The following EXO1 variants were observed in gnomAD, a reference collection of about 807,000 sequenced individuals.
The protein encoded by EXO1 is exonuclease 1.
In EXO1, 69 loss-of-function variants were observed where a neutral mutation model predicts 84.5. That is an observed-to-expected ratio of 0.82 (90% CI 0.67 to 1.00). The LOEUF is 1.00. Among genes scored for constraint, EXO1 ranks in the 50% least tolerant of loss-of-function variants. The pLI, the probability that EXO1 is intolerant of heterozygous loss-of-function variation, is 0.00. For missense variants in EXO1, 1,045 were observed against 1,000.7 expected (o/e 1.04, Z -0.60); for synonymous variants, 373 against 366.1 (o/e 1.02, Z -0.21).
At chr1:241,866,634 A>G (rs570015488) in intron 10 of EXO1, among the ~76,000 whole-genome samples, 196 bp from the exon 11 acceptor site, 1 of 147,636 alleles carries the variant, frequency 6.8e-6, no homozygotes, top group East Asian at 2.0e-4. Flanking sequence ...AAACAGGCCT[A>G]GGAATATAAG....
chr1:241,873,807 A>C (rs1233631781), intron 12 of EXO1, among the ~76,000 whole-genome samples: 1 of 152,126 alleles, frequency 6.6e-6, no homozygotes, highest in Non-Finnish European at 1.5e-5. Flanking sequence ...AAAGGGTAAG[A>C]AGGAAGGGAT....
intron 11 of EXO1, among the ~76,000 whole-genome samples, chr1:241,869,873 G>A (rs1661990122): frequency 6.6e-6 from 1 of 151,480 alleles, no homozygotes; most frequent in East Asian, 2.0e-4. Context: ...GAGGGCAGTG[G>A]CGTGTTCTTG....
At chr1:241,849,411 TA>T (rs754765273) in intron 3 of EXO1, among the ~76,000 whole-genome samples, 195 bp downstream of exon 3, 5 of 152,078 alleles carry the variant, frequency 3.3e-5, no homozygotes, top group African/African-American at 7.2e-5. Context: ...AGAAAGGGCT[TA>T]GGGGGCTGCA....
intron 9 of EXO1, 112 bp from the exon 10 acceptor site, chr1:241,861,294 A>C (rs994408043): frequency 1.4e-6 from 1 of 700,834 alleles, no homozygotes; most frequent in Non-Finnish European, 2.6e-6. Context: ...GACTCCATTT[A>C]AGTCATAAAC....
chr1:241,869,951 A>G (rs902706413), intron 11 of EXO1, among the ~76,000 whole-genome samples: 4 of 152,014 alleles, frequency 2.6e-5, no homozygotes, highest in Admixed American at 2.6e-4. Context: ...TAGCTGGGAT[A>G]CAGGCGTCCA....
In EXO1 at chr1:241,853,439, G is replaced by A. The variant is rs769489836; in HGVS notation, c.363G>A (p.Arg121=). 1 of 1,613,992 alleles carries A rather than the reference G, an allele frequency of 6.2e-7. No homozygotes were observed. The highest frequency in any genetic ancestry group is 8.5e-7 in the Non-Finnish European group (1 of 1,179,970). Residue 121 remains arginine, a synonymous_variant, in exon 6 of 16, where the codon CGG becomes CGA. Transcript: ENST00000366548. The stretch of plus-strand genomic sequence containing the variant: ...CGGAAGCTCGAGAGTGTTTCACCCG[G>A]TCTATCAATATCACACATGCCATGG... The part of the protein sequence containing the change: ...KVSEARECFT[R]SINITHAMAH...
Position 241,878,732 on chromosome 1 carries a change from A to T in EXO1, c.1515-17A>T, listed in dbSNP as rs1421037979. 6.6e-7 allele frequency: 1 copy of T among 1,508,794 alleles called. No homozygotes were observed. Among genetic ancestry groups the T allele is most frequent in the Non-Finnish European group, 9.2e-7 (1 of 1,091,528 alleles). 93.5% of individuals were successfully genotyped at this position (1,508,794 alleles called of 1,614,324 possible). A position where few individuals can be genotyped will look rare whatever the true frequency, so the allele number is the denominator to read the frequency against. On this transcript the variant is annotated splice_polypyrimidine_tract_variant and intron_variant, in intron 12 of 15. Coordinates refer to ENST00000366548, the MANE Select transcript of EXO1 (RefSeq NM_130398.4). ...ATACTCATACTTACTTATTGTTTCTATTGCTTTTTTTATTAGGTTTTTTTG... is the reference window on the plus strand; with the variant it reads ...ATACTCATACTTACTTATTGTTTCTTTTGCTTTTTTTATTAGGTTTTTTTG...
intron 8 of EXO1, among the ~76,000 whole-genome samples, chr1:241,860,284 CTG>C (rs1473822318): frequency 1.2e-5 from 1 of 84,620 alleles, no homozygotes; most frequent in Non-Finnish European, 2.1e-5. Context: ...TACTATATAA[CTG>C]TATTTTTTTA....
intron 11 of EXO1, 126 bp from the exon 12 acceptor site, chr1:241,871,906 G>A (rs535236316): frequency 1.6e-6 from 1 of 640,302 alleles, no homozygotes; most frequent in Non-Finnish European, 2.6e-6. Flanking sequence ...CTTTTCTGAG[G>A]CATAGTTTTT....
At position 241,872,251 on chromosome 1, in the gene EXO1, C is replaced by T; in HGVS notation, c.1487C>T (p.Ala496Val). 1.9e-6 allele frequency: 3 copies of T among 1,613,982 alleles called. No individual in the cohort carries two copies. The highest frequency in any genetic ancestry group is 2.5e-6 in the Non-Finnish European group (3 of 1,179,938). ...FLQRKNEESG[A>V]VVVPGTRSRF... ...CAAAGGAAAAATGAAGAAAGTGGTG[C>T]AGTTGTGGTTCCAGGGACCAGAAGC... The change falls in exon 12 of 16, where the codon GCA (alanine) becomes GTA (valine). Residue 496 changes from alanine to valine, a missense_variant. Coordinates refer to ENST00000366548, the MANE Select transcript of EXO1 (RefSeq NM_130398.4).
chr1:241,880,870 T>C (rs1363395131), intron 13 of EXO1, among the ~76,000 whole-genome samples: 1 of 152,166 alleles, frequency 6.6e-6, no homozygotes, highest in Non-Finnish European at 1.5e-5. Context: ...ATATTTGAGG[T>C]TGAAGTCTTC....
Position 241,866,859 on chromosome 1 carries a change from T to C in EXO1, c.1071T>C (p.Asp357=). The C allele has an allele frequency of 6.2e-7, 1 of 1,613,944 alleles. No individual in the cohort carries two copies. Among genetic ancestry groups the C allele is most frequent in the East Asian group, 2.2e-5 (1 of 44,880 alleles). ...MPAHSRSHSW[D]DKTCQKSANV... ...CCCATTCAAGAAGTCATAGTTGGGA[T>C]GACAAAACATGTCAAAAGTCAGCTA... Residue 357 remains aspartate (D), a synonymous_variant, in exon 11 of 16, where the codon GAT becomes GAC. Transcript: ENST00000366548.
rs4149909 is a variant in EXO1, at chr1:241,860,596, A to T, written c.836A>T (p.Asn279Ile). The T allele has an allele frequency of 6.2e-7, 1 of 1,613,958 alleles. No individual in the cohort carries two copies. Among genetic ancestry groups the T allele is most frequent in the South Asian group, 1.1e-5 (1 of 91,076 alleles). The change falls in exon 9 of 16, where the codon AAC becomes ATC. Residue 279 changes from asparagine (N) to isoleucine (I), a missense_variant. Asn to Ile is a moderately radical substitution (Grantham distance 149). Transcript: ENST00000366548. ...TACATCAACGGGTTTATTCGGGCCA[A>T]CAATACCTTCCTCTATCAGCTAGTT... is the stretch of plus-strand genomic sequence containing the variant. ...EDYINGFIRA[N>I]NTFLYQLVFD...
At position 241,858,551 on chromosome 1, in the gene EXO1, C is replaced by T; in HGVS notation, c.589C>T (p.Gln197Ter). The change falls in exon 8 of 16, where the codon CAA becomes TAA. Residue 197 changes from glutamine to a stop codon, truncating the protein, a stop_gained. Transcript: ENST00000366548. LOFTEE classifies it high-confidence loss of function. ...GTTTGGAAATGGACTTGAAATTGATCAAGCTCGGCTAGGAATGTGCAGACA... is the reference window on the plus strand; with the variant it reads ...GTTTGGAAATGGACTTGAAATTGATTAAGCTCGGCTAGGAATGTGCAGACA... ...DQFGNGLEID[Q>*]ARLGMCRQLG... 6.2e-7 allele frequency: 1 copy of T among 1,614,088 alleles called. No individual in the cohort carries two copies. The highest frequency in any genetic ancestry group is 8.5e-7 in the Non-Finnish European group (1 of 1,179,958).
intron 10 of EXO1, 46 bp downstream of exon 10, chr1:241,861,548 C>A (rs370613345): frequency 1.9e-5 from 19 of 1,023,630 alleles, no homozygotes; most frequent in Non-Finnish European, 2.7e-5. Context: ...TTAGTTATGT[C>A]CCGAGCTGTG....
At chr1:241,865,193 A>ATTTT (rs1288342493) in intron 10 of EXO1, among the ~76,000 whole-genome samples, 7 of 121,186 alleles carry the variant, frequency 5.8e-5, no homozygotes, top group African/African-American at 1.9e-4. Context: ...ATATATATAT[A>ATTTT]TATTTTTTGA....
intron 15 of EXO1, among the ~76,000 whole-genome samples, chr1:241,886,133 T>TA (rs1484490768): frequency 1.2e-4 from 18 of 152,208 alleles, no homozygotes; most frequent in African/African-American, 4.1e-4. Context: ...ATTACAGGCG[T>TA]AAGCCACCAC....
rs1661371816 is a variant in EXO1 at position 241,861,371 on chromosome 1, A to G, written c.945-35A>G. 3 of 1,044,868 alleles carry G rather than the reference A, an allele frequency of 2.9e-6. No individual in the cohort carries two copies. The East Asian group carries it at 7.1e-5, about 25-fold the overall frequency. The allele number at this position is 1,044,868 out of a possible 1,614,324, so 64.7% of individuals were successfully genotyped here. A position where few individuals can be genotyped will look rare whatever the true frequency, so the allele number is the denominator to read the frequency against. On this transcript the variant is annotated intron_variant, in intron 9 of 15. Transcript: ENST00000366548. ...GTATAATATCATTTGGTTGGTTGTT[A>G]ATAAATACATTTTTCCTTAATCTTG...
At chr1:241,888,372 A>G (rs2148553844) in intron 15 of EXO1, among the ~76,000 whole-genome samples, 1 of 151,688 alleles carries the variant, frequency 6.6e-6, no homozygotes. Flanking sequence ...GGTGGAGAAT[A>G]CAAATAGTCC....
Sources: gnomAD v4.1 joint callset for allele counts (sites outside exome capture counted in the v4.1 genomes callset) on GRCh38, gnomAD v4.1.1 for gene constraint, MANE v1.5 for transcripts, NCBI Gene and HGNC (gene_info 2026-07-23, HGNC 2026-07-21) for gene names.